The following PDE2A variants were observed in gnomAD, a reference collection of about 807,000 sequenced individuals.
PDE2A encodes cGMP-dependent 3',5'-cyclic phosphodiesterase.
Under a neutral mutation model 133.6 loss-of-function variants are expected in PDE2A, and 53 were observed. The ratio of observed to expected loss-of-function variants is 0.40; its 90% CI spans 0.32 to 0.50. The LOEUF (loss-of-function observed/expected upper bound fraction) is 0.50. Among genes scored for constraint, PDE2A ranks in the 20% least tolerant of loss-of-function variants. The pLI is 0.73. For synonymous variants in PDE2A, 491 were observed against 490.2 expected (o/e 1.00, Z -0.02); for missense variants, 796 against 1,232.4 (o/e 0.65, Z 5.30).
At position 72,578,419 on chromosome 11, in the gene PDE2A, G is replaced by T. The variant is rs190132700; in HGVS notation, c.2508+57C>A. The T allele has an allele frequency of 3.3e-5, 53 of 1,584,388 alleles. No individual in the cohort carries two copies. The African/African-American group carries it at 7.0e-4, about 21-fold the overall frequency. On this transcript the variant is annotated intron_variant, in intron 29 of 30. Coordinates refer to ENST00000334456, the MANE Select transcript of PDE2A (RefSeq NM_002599.5). The surrounding 1 kb of genome is among the most constrained non-coding windows in gnomAD (Gnocchi z 4.2). ...GGTCAGGCTAGTTCAAGCCCTCCCT[G>T]TCCCAGGCCAGGAACCCTCCCCCAT...
Position 72,578,987 on chromosome 11 carries a change from C to T in PDE2A, c.2379G>A (p.Lys793=), listed in dbSNP as rs1855587862. 6.2e-7 allele frequency: 1 copy of T among 1,613,432 alleles called. No homozygotes were observed. The highest frequency in any genetic ancestry group is 8.5e-7 in the Non-Finnish European group (1 of 1,179,484). Reference sequence around the variant, plus strand: ...GGCAGAGGAGAAGTCTGTGGTGCTGCTTGTTGTTTCGGTCGTAGCCCACTG... The same window carrying T: ...GGCAGAGGAGAAGTCTGTGGTGCTGTTTGTTGTTTCGGTCGTAGCCCACTG... ...MAEVGYDRNN[K]QHHRLLLCLL... The change falls in exon 28 of 31, where the codon AAG becomes AAA. Residue 793 remains lysine, a synonymous_variant. Coordinates refer to ENST00000334456, the MANE Select transcript of PDE2A (RefSeq NM_002599.5). This position sits in a 1 kb window ranked among gnomAD's most constrained non-coding sequence, Gnocchi z 4.2.
At chr11:72,634,462 C>T (rs1304389187) in intron 2 of PDE2A, among the ~76,000 whole-genome samples, 1 of 152,224 alleles carries the variant, frequency 6.6e-6, no homozygotes, top group Non-Finnish European at 1.5e-5. Flanking sequence ...AATCAGGAAG[C>T]CTGATTTCAG....
rs1480164847 is a variant in PDE2A, at chr11:72,580,598, G to A, written c.2160C>T (p.Ser720=). ...ASKSVLAALY[S]SEGSVMERHH... Reference sequence around the variant, plus strand: ...ATACCTCCATGACGGAGCCCTCAGAGCTGTAGAGCGCAGCCAGCACAGATT... The same window carrying A: ...ATACCTCCATGACGGAGCCCTCAGAACTGTAGAGCGCAGCCAGCACAGATT... Residue 720 remains serine, a synonymous_variant, in exon 25 of 31, where the codon AGC becomes AGT. Transcript: ENST00000334456. The A allele has an allele frequency of 1.9e-6, 3 of 1,568,724 alleles. No individual in the cohort carries two copies. The highest frequency in any genetic ancestry group is 3.8e-5 in the Admixed American group (2 of 51,998).
intron 1 of PDE2A, 149 bp from the exon 2 acceptor site, chr11:72,642,475 C>G: frequency 1.2e-6 from 1 of 807,530 alleles, no homozygotes; most frequent in Non-Finnish European, 1.5e-6. Context: ...GCCCCGGCCC[C>G]GCCCCGGCCC....
chr11:72,668,349 A>G (rs1855298120), intron 1 of PDE2A: 1 of 718,652 alleles, frequency 1.4e-6, no homozygotes, highest in African/African-American at 1.7e-5. Flanking sequence ...CATCCAGAAA[A>G]CAGCAGTCTC....
intron 1 of PDE2A, among the ~76,000 whole-genome samples, chr11:72,642,749 C>T: frequency 6.6e-6 from 1 of 151,928 alleles, no homozygotes; most frequent in Non-Finnish European, 1.5e-5. Flanking sequence ...ACCCTGTTTC[C>T]CCGCCACCAC....
At chr11:72,660,441 C>T (rs975513221) in intron 1 of PDE2A, among the ~76,000 whole-genome samples, 6 of 152,148 alleles carry the variant, frequency 3.9e-5, no homozygotes, top group Non-Finnish European at 7.3e-5. Context: ...TCACTAGGCA[C>T]CTTCTGAGTG....
At position 72,636,680 on chromosome 11, in the gene PDE2A, C is replaced by T. The variant is rs1380920903; in HGVS notation, c.144+5574G>A. 2.6e-5 allele frequency among the ~76,000 whole-genome samples: 4 copies of T among 152,128 alleles called. No homozygotes were observed. In the East Asian group the frequency reaches 5.8e-4, roughly 22 times the overall value. ...CAGCATTCTCCTCCCTTGCCCTTCA[C>T]GTCTACAGCTGTCCAGCTCCCTCCA... On this transcript the variant is annotated intron_variant, in intron 2 of 30. Coordinates refer to ENST00000334456, the MANE Select transcript of PDE2A (RefSeq NM_002599.5).
chr11:72,587,050 C>G (rs1016162470), intron 13 of PDE2A, among the ~76,000 whole-genome samples: 10 of 152,216 alleles, frequency 6.6e-5, no homozygotes, highest in Admixed American at 1.3e-4. Flanking sequence ...AGATCCTCAT[C>G]ATTCTGAGAA....
At position 72,590,540 on chromosome 11, in the gene PDE2A, C is replaced by T; in HGVS notation, c.590G>A (p.Arg197His). The T allele has an allele frequency of 6.9e-7, 1 of 1,439,536 alleles. No individual in the cohort carries two copies. The highest frequency in any genetic ancestry group is 1.5e-5 in the African/African-American group (1 of 67,648). The allele number at this position is 1,439,536 out of a possible 1,614,324, so 89.2% of individuals were successfully genotyped here. A position where few individuals can be genotyped will look rare whatever the true frequency, so the allele number is the denominator to read the frequency against. The change falls in exon 8 of 31, where the codon CGC becomes CAC. Residue 197 changes from arginine to histidine, a missense_variant. Coordinates refer to ENST00000334456, the MANE Select transcript of PDE2A (RefSeq NM_002599.5). The surrounding 1 kb of genome is among the most constrained non-coding windows in gnomAD (Gnocchi z 4.8). ...ALRRVQVLQQ[R>H]GPREAPRAVQ... Reference sequence around the variant, plus strand: ...GGCTCGGGGAGCCTCCCTGGGCCCGCGCTGCTGCAGGACCTGCACCCTCCG... The same window carrying T: ...GGCTCGGGGAGCCTCCCTGGGCCCGTGCTGCTGCAGGACCTGCACCCTCCG...
rs78857866 is a variant in PDE2A at position 72,587,112 on chromosome 11, G to A, written c.1071-931C>T. Among the ~76,000 whole-genome samples, 761 of 152,010 alleles carry A rather than the reference G, an allele frequency of 5.0e-3. 3 individuals are homozygous for A. Among genetic ancestry groups the A allele is most frequent in the African/African-American group, 0.018 (726 of 41,412 alleles). On this transcript the variant is annotated intron_variant, in intron 13 of 30. Coordinates refer to ENST00000334456, the MANE Select transcript of PDE2A (RefSeq NM_002599.5). ...GCTTTTTTTTCTACACTGTTCCCTC[G>A]GCCTAGAATACCCTTCTCACTCTCT...
intron 4 of PDE2A, chr11:72,598,476 C>T (rs1235484420): frequency 2.3e-6 from 3 of 1,283,664 alleles, no homozygotes; most frequent in Admixed American, 2.3e-5. Flanking sequence ...CCTCTACCCC[C>T]CAGCCTCTGG....
intron 1 of PDE2A, among the ~76,000 whole-genome samples, chr11:72,656,149 G>A (rs969585934): frequency 6.6e-5 from 10 of 152,208 alleles, no homozygotes; most frequent in Non-Finnish European, 1.5e-4. Context: ...GAGAGGCGAG[G>A]GGAGAGCCAC....
rs749355696 is a variant in PDE2A, at chr11:72,590,413, G to T, written c.703+14C>A. The T allele has an allele frequency of 3.8e-6, 6 of 1,574,784 alleles. No homozygotes were observed. The highest frequency in any genetic ancestry group is 5.2e-6 in the Non-Finnish European group (6 of 1,160,910). On this transcript the variant is annotated intron_variant, in intron 8 of 30. Transcript: ENST00000334456. The surrounding 1 kb of genome is among the most constrained non-coding windows in gnomAD (Gnocchi z 4.8). Reference sequence around the variant, plus strand: ...CGGCCCCGCCCTCGTGACCTGTCCAGGCCGGGCCCTCACCGCACAGTTGGA... The same window carrying T: ...CGGCCCCGCCCTCGTGACCTGTCCATGCCGGGCCCTCACCGCACAGTTGGA...
intron 2 of PDE2A, among the ~76,000 whole-genome samples, chr11:72,611,353 T>C (rs1857204170): frequency 6.6e-6 from 1 of 152,112 alleles, no homozygotes; most frequent in Non-Finnish European, 1.5e-5. Context: ...TCTAGCCCTG[T>C]CTGGTTCCTG....
intron 1 of PDE2A, chr11:72,668,215 C>G (rs1017232362): frequency 1.4e-6 from 1 of 715,802 alleles, no homozygotes; most frequent in South Asian, 1.5e-5. Flanking sequence ...TGTCTGCCAT[C>G]TGGAACAGTA....
At chr11:72,669,004 G>T in intron 1 of PDE2A, 1 of 996,546 alleles carries the variant, frequency 1.0e-6, no homozygotes, top group Non-Finnish European at 1.2e-6. Context: ...AATGACAGTA[G>T]CTAACCTTTG....
chr11:72,637,049 G>A (rs1858730867), intron 2 of PDE2A, among the ~76,000 whole-genome samples: 2 of 137,454 alleles, frequency 1.5e-5, no homozygotes. Context: ...TCCTCCCTCT[G>A]TCTGCCACCA....
chr11:72,664,382 T>TTTTTTTTG (rs1855167725), intron 1 of PDE2A, among the ~76,000 whole-genome samples: 1 of 137,816 alleles, frequency 7.3e-6, no homozygotes, highest in Non-Finnish European at 1.6e-5. Context: ...TTTTTTTTTT[T>TTTTTTTTG]TTTTTTTTTG....
Sources: gnomAD v4.1 joint callset for allele counts (sites outside exome capture counted in the v4.1 genomes callset) on GRCh38, gnomAD v4.1.1 for gene constraint, Gnocchi (gnomAD v3.1) non-coding constraint, MANE v1.5 for transcripts, NCBI Gene and HGNC (gene_info 2026-07-23, HGNC 2026-07-21) for gene names.